Variants in VRK3 observed in about 807,000 individuals in gnomAD.
The protein encoded by VRK3 is VRK serine/threonine kinase 3.
In VRK3, 50 loss-of-function variants were observed where a neutral mutation model predicts 60.4. The ratio of observed to expected loss-of-function variants is 0.83; its 90% confidence interval spans 0.66 to 1.05. The LOEUF is 1.05. Among genes scored for constraint, VRK3 ranks in the 50% least tolerant of loss-of-function variants. VRK3 has a pLI of 0.00. For missense variants in VRK3, 549 were observed against 585.3 expected, an observed-to-expected ratio of 0.94 and a Z score of 0.64; for synonymous variants, 246 against 227.8, an observed-to-expected ratio of 1.08 and a Z score of -0.72.
At chr19:50,017,836 T>G (rs879565622) in intron 2 of VRK3, among the ~76,000 whole-genome samples, 7 of 152,194 alleles carry the variant, frequency 4.6e-5, no homozygotes, top group Non-Finnish European at 7.4e-5. Context: ...TTTTTAAGTT[T>G]TTTTTTTAGA....
At chr19:49,997,038 G>T (rs1054890231) in intron 7 of VRK3, 2 of 152,360 alleles carry the variant, frequency 1.3e-5, no homozygotes, top group African/African-American at 4.8e-5. Context: ...AGGCTGGAGT[G>T]CAGTGGCACA....
rs561121336 is a variant in VRK3, at chr19:50,007,821, C to G, written c.295G>C (p.Gly99Arg). 1 of 1,614,122 alleles carries G rather than the reference C, an allele frequency of 6.2e-7. No individual in the cohort carries two copies. Among genetic ancestry groups the G allele is most frequent in the Non-Finnish European group, 8.5e-7 (1 of 1,180,030 alleles). The part of the protein sequence containing the change: ...LSSSERSKGS[G>R]SRPPTPKSSP... ...CTTTTGGGGGTTGGGGGTCTGCTCC[C>G]GGAGCCTGCAGGAGGATGTAAGAAT... The change falls in exon 5 of 15, where the codon GGG becomes CGG. Residue 99 changes from glycine to arginine, a missense_variant. Transcript: ENST00000316763.
intron 7 of VRK3, among the ~76,000 whole-genome samples, chr19:49,996,359 A>G (rs967550971): frequency 2.6e-5 from 4 of 151,614 alleles, no homozygotes; most frequent in African/African-American, 9.7e-5. Context: ...GCCCGACTGC[A>G]TTTGCTAATT....
At chr19:50,019,431 GA>G (rs2077131561) in intron 2 of VRK3, 1 of 151,336 alleles carries the variant, frequency 6.6e-6, no homozygotes, top group Non-Finnish European at 1.5e-5. Flanking sequence ...GTATTAGCGA[GA>G]AATAATGTGT....
At position 49,988,562 on chromosome 19, in the gene VRK3, T is replaced by C. The variant is rs146766490; in HGVS notation, c.1097-70A>G. ...CACTCACTGGTGGGTCCACCCCCCT[T>C]CCTTCCCCTCTCTCTCACTGACTCA... is the stretch of plus-strand genomic sequence containing the variant. On this transcript the variant is annotated intron_variant, in intron 11 of 14. Coordinates refer to ENST00000316763, the MANE Select transcript of VRK3 (RefSeq NM_016440.4). The C allele has an allele frequency of 1.7e-4, 265 of 1,557,012 alleles. No homozygotes were observed. The East Asian group carries it at 2.5e-3, about 15-fold the overall frequency.
Position 50,007,766 on chromosome 19 carries a change from T to C in VRK3, c.350A>G (p.Gln117Arg). The C allele has an allele frequency of 6.2e-7, 1 of 1,614,096 alleles. No individual in the cohort carries two copies. The highest frequency in any genetic ancestry group is 1.3e-5 in the African/African-American group (1 of 75,052). ...SSPQKTRKSP[Q>R]VTRGSPQKTS... ...CTTCTGAGGGCTACCCCTGGTCACC[T>C]GAGGGCTCTTCCTGGTCTTCTGAGG... Residue 117 changes from glutamine to arginine, a missense_variant, in exon 5 of 15, where the codon CAG becomes CGG. Coordinates refer to ENST00000316763, the MANE Select transcript of VRK3 (RefSeq NM_016440.4).
intron 1 of VRK3, among the ~76,000 whole-genome samples, chr19:50,022,552 G>A (rs992944760): frequency 1.3e-5 from 2 of 152,112 alleles, no homozygotes; most frequent in Non-Finnish European, 2.9e-5. Context: ...TTGGGAGGCC[G>A]AGGTGGGCGG....
chr19:50,018,507 C>A (rs2077112144), intron 2 of VRK3, among the ~76,000 whole-genome samples: 1 of 152,186 alleles, frequency 6.6e-6, no homozygotes. Context: ...CCTCAGGCTG[C>A]AGAAGAGCAG....
In VRK3 at chr19:50,016,156, A is replaced by G. The variant is rs755765269; in HGVS notation, c.7T>C (p.Ser3Pro). 9 of 1,614,004 alleles carry G rather than the reference A, an allele frequency of 5.6e-6. No homozygotes were observed. The African/African-American group carries it at 6.7e-5, about 12-fold the overall frequency. Residue 3 changes from serine (S) to proline (P), a missense_variant, in exon 3 of 15, where the codon TCC (serine) becomes CCC (proline). Transcript: ENST00000316763. ...CTTTTGCCACAGTCTGGACAGAAGGAGATCATGCTACAAAACAGAATGAAC... is the reference window on the plus strand; with the variant it reads ...CTTTTGCCACAGTCTGGACAGAAGGGGATCATGCTACAAAACAGAATGAAC... MI[S>P]FCPDCGKSIQ...
At chr19:50,012,118 T>C (rs1840236895) in intron 3 of VRK3, among the ~76,000 whole-genome samples, 4 of 152,258 alleles carry the variant, frequency 2.6e-5, no homozygotes, top group Admixed American at 2.6e-4. Context: ...ATTACAGGCA[T>C]GCACCACCAC....
chr19:49,980,445 G>A (rs1164347897), intron 13 of VRK3, among the ~76,000 whole-genome samples: 1 of 152,178 alleles, frequency 6.6e-6, no homozygotes, highest in African/African-American at 2.4e-5. Context: ...GCCGGGCATG[G>A]TGGCTCTTGC....
chr19:49,989,624 T>C lies in VRK3; in HGVS notation c.1096+15A>G. ...GCATCTCTCTGCGGTCCCAAACCCA[T>C]CCCTGGCCTCGTACCGCATCCCTTG... is the stretch of plus-strand genomic sequence containing the variant. On this transcript the variant is annotated intron_variant, in intron 11 of 14. Transcript: ENST00000316763. 6.3e-7 allele frequency: 1 copy of C among 1,598,426 alleles called. No individual in the cohort carries two copies. The highest frequency in any genetic ancestry group is 8.5e-7 in the Non-Finnish European group (1 of 1,169,980).
intron 1 of VRK3, among the ~76,000 whole-genome samples, chr19:50,022,191 C>T (rs1010181258): frequency 2.0e-5 from 3 of 152,186 alleles, no homozygotes; most frequent in African/African-American, 7.2e-5. Context: ...ATTTATACAA[C>T]GAAAACGCAA....
At chr19:49,997,751 T>C in intron 6 of VRK3, 181 bp from the exon 7 acceptor site, 2 of 581,420 alleles carry the variant, frequency 3.4e-6, no homozygotes, top group Non-Finnish European at 6.0e-6. Flanking sequence ...GCTACCTTGC[T>C]GTACCCAGGT....
chr19:50,006,369 G>A (rs1244630932), intron 5 of VRK3, among the ~76,000 whole-genome samples: 1 of 150,356 alleles, frequency 6.7e-6, no homozygotes, highest in Non-Finnish European at 1.5e-5. Flanking sequence ...TTGACATGGA[G>A]TCTCACTGAA....
At chr19:49,982,911 C>T (rs761328730) in intron 12 of VRK3, among the ~76,000 whole-genome samples, 11 of 152,146 alleles carry the variant, frequency 7.2e-5, no homozygotes, top group East Asian at 3.9e-4. Context: ...CCACCACCTG[C>T]CCAGTCACTG....
intron 5 of VRK3, among the ~76,000 whole-genome samples, chr19:50,001,867 T>A (rs1283690236): frequency 6.6e-6 from 1 of 151,542 alleles, no homozygotes; most frequent in Non-Finnish European, 1.5e-5. Flanking sequence ...CGAGACTGGC[T>A]GCAAGGACTC....
chr19:49,977,009 G>A (rs1238553425), intron 14 of VRK3, among the ~76,000 whole-genome samples: 1 of 152,200 alleles, frequency 6.6e-6, no homozygotes, highest in Non-Finnish European at 1.5e-5. Flanking sequence ...ATGGGAACAA[G>A]GGCTGTGTGG....
At position 49,989,711 on chromosome 19, in the gene VRK3, A is replaced by G. The variant is rs2076577640; in HGVS notation, c.1024T>C (p.Tyr342His). The G allele has an allele frequency of 6.2e-7, 1 of 1,613,914 alleles. No homozygotes were observed. The highest frequency in any genetic ancestry group is 8.5e-7 in the Non-Finnish European group (1 of 1,179,862). Residue 342 changes from tyrosine to histidine, a missense_variant, in exon 11 of 15, where the codon TAC becomes CAC. Coordinates refer to ENST00000316763, the MANE Select transcript of VRK3 (RefSeq NM_016440.4). ...RYCPSGKHVA[Y>H]VEGSRSPHEG... is the part of the protein sequence containing the mutation. ...TGAGGGCTCCTGCTGCCTTCCACGT[A>G]GGCCACGTGTTTGCCACTTGGGCAA...
Sources: gnomAD v4.1 joint callset for allele counts (sites outside exome capture counted in the v4.1 genomes callset) on GRCh38, gnomAD v4.1.1 for gene constraint, MANE v1.5 for transcripts, NCBI Gene and HGNC (gene_info 2026-07-23, HGNC 2026-07-21) for gene names.